The following GLT1D1 variants were observed in gnomAD, a reference collection of about 807,000 sequenced individuals.
GLT1D1 encodes glycosyltransferase 1 domain-containing protein 1.
Under a neutral mutation model 28.7 loss-of-function variants are expected in GLT1D1, and 21 were observed. That is an observed-to-expected ratio of 0.73 (90% CI 0.52 to 1.05). GLT1D1 has a LOEUF of 1.05. GLT1D1 is among the 50% of genes least tolerant of loss of function. The pLI, the probability that GLT1D1 is intolerant of heterozygous loss-of-function variation, is 0.00. For missense variants in GLT1D1, 343 were observed against 330.6 expected, an observed-to-expected ratio of 1.04 and a Z score of -0.29; for synonymous variants, 147 against 124.8, an observed-to-expected ratio of 1.18 and a Z score of -1.19.
At chr12:128,934,986 T>C (rs1874393831) in intron 4 of GLT1D1, among the ~76,000 whole-genome samples, 1 of 152,020 alleles carries the variant, frequency 6.6e-6, no homozygotes, top group Admixed American at 6.5e-5. Flanking sequence ...CCTGGAAGTC[T>C]CTGTCATTCT....
At chr12:128,857,384 C>A (rs1176829307) in intron 1 of GLT1D1, among the ~76,000 whole-genome samples, 1 of 152,200 alleles carries the variant, frequency 6.6e-6, no homozygotes, top group Admixed American at 6.5e-5. Flanking sequence ...TGTGCAGAAG[C>A]AGAATAAAGG....
At chr12:128,887,035 G>A (rs111890611) in intron 2 of GLT1D1, among the ~76,000 whole-genome samples, 4,233 of 148,962 alleles carry the variant, frequency 0.028, 93 homozygotes, top group Non-Finnish European at 0.043. Flanking sequence ...TTTTTGAGGC[G>A]GAGTCTCGCT....
intron 7 of GLT1D1, among the ~76,000 whole-genome samples, chr12:128,970,097 G>A (rs1477939922): frequency 6.6e-6 from 1 of 152,222 alleles, no homozygotes; most frequent in Non-Finnish European, 1.5e-5. Context: ...TCCGAAGGCC[G>A]TTTCTGGGGT....
chr12:128,962,514 G>A (rs1878067709), intron 7 of GLT1D1, among the ~76,000 whole-genome samples: 1 of 152,190 alleles, frequency 6.6e-6, no homozygotes. Flanking sequence ...TGCTGGGCAG[G>A]AGGTTCAAGC....
chr12:128,944,928 G>A (rs575260450), intron 4 of GLT1D1: 99 of 507,762 alleles, frequency 1.9e-4, no homozygotes, highest in Non-Finnish European at 2.5e-4. Flanking sequence ...GGTATTTCTC[G>A]TAACGCTATC....
At chr12:128,969,237 GTC>G (rs992400971) in intron 7 of GLT1D1, among the ~76,000 whole-genome samples, 3 of 149,674 alleles carry the variant, frequency 2.0e-5, no homozygotes, top group African/African-American at 7.5e-5. Flanking sequence ...CTCTTCCTCT[GTC>G]TCTGTTTCTA....
At chr12:128,932,746 G>T (rs1399990304) in intron 4 of GLT1D1, among the ~76,000 whole-genome samples, 1 of 152,112 alleles carries the variant, frequency 6.6e-6, no homozygotes, top group Non-Finnish European at 1.5e-5. Flanking sequence ...TTCAGCCTCG[G>T]GGGGCCTTTA....
At position 128,903,108 on chromosome 12, in the gene GLT1D1, G is replaced by T. The variant is rs80084261; in HGVS notation, c.375+3821G>T. On this transcript the variant is annotated intron_variant, in intron 4 of 7. Coordinates refer to ENST00000281703, the MANE Select transcript of GLT1D1 (RefSeq NM_144669.3). ...CATTGCCCTTTTCTCTAACTTGTCAGCCTTCAATATCATCCTCCACCATAA... is the reference window on the plus strand; with the variant it reads ...CATTGCCCTTTTCTCTAACTTGTCATCCTTCAATATCATCCTCCACCATAA... Among the ~76,000 whole-genome samples the T allele has an allele frequency of 4.9e-3, 742 of 151,564 alleles. 36 individuals are homozygous for T. The highest frequency in any genetic ancestry group is 0.017 in the African/African-American group (717 of 41,072).
Position 128,895,613 on chromosome 12 carries a change from C to T in GLT1D1, c.324-3623C>T, listed in dbSNP as rs575631905. 1.0e-3 allele frequency among the ~76,000 whole-genome samples: 156 copies of T among 152,048 alleles called. 1 individual carries two copies. Among genetic ancestry groups the T allele is most frequent in the Middle Eastern group, 3.4e-3 (1 of 294 alleles). On this transcript the variant is annotated intron_variant, in intron 3 of 7. Transcript: ENST00000281703. ...CTGGGATTACAGGCATGCACCACCACGCCGGGCTAATTTTGTAATTTTAGT... is the reference window on the plus strand; with the variant it reads ...CTGGGATTACAGGCATGCACCACCATGCCGGGCTAATTTTGTAATTTTAGT...
chr12:128,912,361 A>G, intron 4 of GLT1D1, 63 bp from the exon 5 acceptor site: 2 of 1,061,594 alleles, frequency 1.9e-6, no homozygotes, highest in Non-Finnish European at 2.7e-6. Flanking sequence ...TTTTATTTCT[A>G]AAAAGCAGTT....
intron 7 of GLT1D1, among the ~76,000 whole-genome samples, chr12:128,961,087 G>A (rs1877896157): frequency 6.6e-6 from 1 of 152,134 alleles, no homozygotes; most frequent in Non-Finnish European, 1.5e-5. Context: ...ACTGTTAAAG[G>A]GCATTCCCTA....
intron 2 of GLT1D1, among the ~76,000 whole-genome samples, chr12:128,886,521 C>A (rs779552336): frequency 2.6e-5 from 4 of 152,178 alleles, no homozygotes; most frequent in Non-Finnish European, 5.9e-5. Context: ...AGCTGCGCTT[C>A]TTCCTGGAGG....
intron 4 of GLT1D1, among the ~76,000 whole-genome samples, chr12:128,942,873 C>T (rs1291733028): frequency 6.6e-6 from 1 of 151,986 alleles, no homozygotes; most frequent in Non-Finnish European, 1.5e-5. Context: ...GCCTCAGCCT[C>T]CTGATTAGCT....
chr12:128,958,552 G>A (rs1248744177), intron 7 of GLT1D1, among the ~76,000 whole-genome samples: 41 of 132,686 alleles, frequency 3.1e-4, no homozygotes, highest in African/African-American at 1.2e-3. Context: ...ACCAGCCTGG[G>A]CAACATGGTG....
intron 1 of GLT1D1, among the ~76,000 whole-genome samples, chr12:128,853,909 A>C (rs1424398902): frequency 6.6e-6 from 1 of 152,046 alleles, no homozygotes; most frequent in African/African-American, 2.4e-5. Flanking sequence ...TGAGCAGGTG[A>C]ACAGGCCCGG....
chr12:128,941,844 G>A (rs562588180), intron 4 of GLT1D1, among the ~76,000 whole-genome samples: 1 of 147,422 alleles, frequency 6.8e-6, no homozygotes, highest in Admixed American at 6.8e-5. Context: ...CTCCTAAAAT[G>A]CTGGGATTCC....
At chr12:128,957,406 G>A (rs1446101094) in intron 6 of GLT1D1, 139 bp from the exon 11 acceptor site, 9 of 590,890 alleles carry the variant, frequency 1.5e-5, no homozygotes, top group African/African-American at 5.6e-5. Flanking sequence ...TTGGGATATC[G>A]TTTTGGAAAG....
chr12:128,925,123 G>A (rs562543490), intron 4 of GLT1D1, among the ~76,000 whole-genome samples: 1 of 151,400 alleles, frequency 6.6e-6, no homozygotes, highest in African/African-American at 2.4e-5. Flanking sequence ...GTGATGGTTT[G>A]GTATCTGTAT....
At chr12:128,874,851 A>G (rs1956834132) in intron 1 of GLT1D1, among the ~76,000 whole-genome samples, 1 of 152,132 alleles carries the variant, frequency 6.6e-6, no homozygotes, top group Non-Finnish European at 1.5e-5. Flanking sequence ...CTCTTTATAT[A>G]TTAAGCAGAT....
Sources: allele counts gnomAD v4.1 joint callset (sites outside exome capture counted in the v4.1 genomes callset), GRCh38; gene constraint gnomAD v4.1.1; transcripts MANE v1.5; gene names NCBI Gene and HGNC (gene_info 2026-07-23, HGNC 2026-07-21).